Variants in AGBL4 observed in about 807,000 individuals in gnomAD.
AGBL4 encodes the protein cytosolic carboxypeptidase 6.
In AGBL4, 58 loss-of-function variants were observed where a neutral mutation model predicts 66.4. The ratio of observed to expected loss-of-function variants is 0.87; its 90% CI spans 0.71 to 1.09. AGBL4 has a LOEUF of 1.09. Among genes scored for constraint, AGBL4 ranks in the 50% least tolerant of loss-of-function variants. The pLI is 0.00. For missense variants in AGBL4, 579 were observed against 631.0 expected (o/e 0.92, Z 0.88); for synonymous variants, 234 against 222.9 (o/e 1.05, Z -0.44).
At chr1:49,157,802 G>T (rs1240249235) in intron 4 of AGBL4, among the ~76,000 whole-genome samples, 2 of 152,022 alleles carry the variant, frequency 1.3e-5, no homozygotes, top group African/African-American at 2.4e-5. Flanking sequence ...TCTCATTGTG[G>T]TTTTGATTTG....
chr1:49,218,107 A>T (rs536299420), intron 4 of AGBL4, among the ~76,000 whole-genome samples: 23 of 152,028 alleles, frequency 1.5e-4, no homozygotes, highest in South Asian at 6.2e-4. Context: ...TCTTCATGTC[A>T]TCCTTTCACC....
intron 4 of AGBL4, among the ~76,000 whole-genome samples, chr1:49,095,900 G>A (rs1645089628): frequency 2.0e-5 from 3 of 151,740 alleles, no homozygotes; most frequent in Non-Finnish European, 4.4e-5. Flanking sequence ...GAGTGAACAG[G>A]CAACCTACAA....
chr1:48,752,056 A>C (rs1291881952), intron 6 of AGBL4, among the ~76,000 whole-genome samples: 1 of 152,190 alleles, frequency 6.6e-6, no homozygotes, highest in Non-Finnish European at 1.5e-5. Context: ...ATTAAGCAGG[A>C]TACAACAGTT....
intron 9 of AGBL4, among the ~76,000 whole-genome samples, chr1:48,603,230 G>C (rs1346224427): frequency 1.3e-5 from 2 of 152,200 alleles, no homozygotes; most frequent in Non-Finnish European, 2.9e-5. Context: ...CCAGCTCTTT[G>C]GGAAGCTGAG....
At chr1:49,602,886 A>C (rs1413717806) in intron 3 of AGBL4, among the ~76,000 whole-genome samples, 2 of 152,012 alleles carry the variant, frequency 1.3e-5, no homozygotes, top group African/African-American at 4.8e-5. Context: ...TGAAGGCAAA[A>C]GGAAAGAACT....
intron 1 of AGBL4, among the ~76,000 whole-genome samples, chr1:49,947,533 G>C (rs1364452349): frequency 6.6e-6 from 1 of 151,554 alleles, no homozygotes; most frequent in Non-Finnish European, 1.5e-5. Flanking sequence ...GGCATACAAA[G>C]GACATATCTC....
At chr1:48,667,930 T>C (rs888014437) in intron 6 of AGBL4, among the ~76,000 whole-genome samples, 2 of 152,094 alleles carry the variant, frequency 1.3e-5, no homozygotes, top group Admixed American at 1.3e-4. Flanking sequence ...GTCATGGGGA[T>C]TGAGATGCTA....
At chr1:48,634,297 G>C (rs1241786388) in intron 9 of AGBL4, 196 bp downstream of exon 9, 1 of 454,720 alleles carries the variant, frequency 2.2e-6, no homozygotes, top group Non-Finnish European at 4.0e-6. Flanking sequence ...TCCACTATTT[G>C]TGAGAGGTTG....
rs116736542 is a variant in AGBL4, at chr1:49,100,838, T to G, written c.378-55038A>C. On this transcript the variant is annotated intron_variant, in intron 4 of 13. Transcript: ENST00000371839. The stretch of plus-strand genomic sequence containing the variant: ...CGTTCCTACTCTGTGCTAGGCATTT[T>G]ACATAATTTATCTCCTTTCTTTCTA... Among the ~76,000 whole-genome samples the G allele has an allele frequency of 8.8e-3, 1,337 of 152,354 alleles. 9 individuals carry two copies. Among genetic ancestry groups the G allele is most frequent in the Non-Finnish European group, 0.014 (958 of 68,042 alleles).
At chr1:49,985,646 A>C (rs1227861129) in intron 1 of AGBL4, among the ~76,000 whole-genome samples, 4 of 152,184 alleles carry the variant, frequency 2.6e-5, no homozygotes, top group African/African-American at 9.6e-5. Context: ...ACAGTCTTTA[A>C]CAACATATTT....
intron 6 of AGBL4, chr1:48,776,470 G>T: frequency 1.5e-6 from 1 of 654,504 alleles, no homozygotes; most frequent in Non-Finnish European, 2.3e-6. Flanking sequence ...CAAATGAAAT[G>T]CCCAGAGGAC....
At chr1:49,995,276 C>T (rs767394485) in intron 1 of AGBL4, 27 of 454,868 alleles carry the variant, frequency 5.9e-5, no homozygotes, top group Admixed American at 1.2e-4. Flanking sequence ...CCCTGCTCAC[C>T]GGCTGCCTGG....
At chr1:49,417,346 T>A (rs75543655) in intron 3 of AGBL4, among the ~76,000 whole-genome samples, 2,770 of 152,220 alleles carry the variant, frequency 0.018, 35 homozygotes, top group Non-Finnish European at 0.03. Context: ...AATGAAGAAC[T>A]AGTTTTACAA....
chr1:48,711,122 C>A (rs749535271), intron 6 of AGBL4, among the ~76,000 whole-genome samples: 1 of 152,140 alleles, frequency 6.6e-6, no homozygotes, highest in Non-Finnish European at 1.5e-5. Context: ...CCTCCAGGTC[C>A]CAGGGTCCAG....
intron 2 of AGBL4, among the ~76,000 whole-genome samples, chr1:49,707,076 T>C (rs1009092549): frequency 3.9e-5 from 6 of 152,158 alleles, no homozygotes; most frequent in African/African-American, 1.4e-4. Flanking sequence ...GGTCCACAGC[T>C]GAGTTCAAGT....
At chr1:49,897,729 C>T (rs1343477895) in intron 1 of AGBL4, among the ~76,000 whole-genome samples, 2 of 152,118 alleles carry the variant, frequency 1.3e-5, no homozygotes, top group East Asian at 3.9e-4. Flanking sequence ...GTAACTCAAA[C>T]AGCATGATAA....
At chr1:48,654,639 T>C (rs1042255548) in intron 7 of AGBL4, among the ~76,000 whole-genome samples, 3 of 152,168 alleles carry the variant, frequency 2.0e-5, no homozygotes, top group Non-Finnish European at 4.4e-5. Flanking sequence ...GTAGGTTTGA[T>C]AGATGGCAGG....
chr1:49,533,456 C>G (rs1651305230), intron 3 of AGBL4, among the ~76,000 whole-genome samples: 1 of 152,118 alleles, frequency 6.6e-6, no homozygotes, highest in Non-Finnish European at 1.5e-5. Context: ...TTCTTGTTCT[C>G]CCGTTTCCAT....
chr1:49,155,926 A>G (rs574600796), intron 4 of AGBL4, among the ~76,000 whole-genome samples: 1 of 152,150 alleles, frequency 6.6e-6, no homozygotes, highest in Non-Finnish European at 1.5e-5. Context: ...TTGTATCTAG[A>G]CAGGGTATTG....
Sources: allele counts gnomAD v4.1 joint callset (sites outside exome capture counted in the v4.1 genomes callset), GRCh38; gene constraint gnomAD v4.1.1; transcripts MANE v1.5; gene names NCBI Gene and HGNC (gene_info 2026-07-23, HGNC 2026-07-21).